ADARB2: variants seen among roughly 807,000 people sequenced by gnomAD.
ADARB2 encodes adenosine deaminase RNA specific B2 (inactive).
Under a neutral mutation model 62.2 loss-of-function variants are expected in ADARB2, and 25 were observed. The observed-to-expected ratio is 0.40, with a 90% CI of 0.29 to 0.56. ADARB2 has a LOEUF of 0.56. Ranked by LOEUF, ADARB2 falls within the 20% of genes least tolerant of loss-of-function variation. ADARB2 has a pLI of 0.43. For synonymous variants in ADARB2, 572 were observed against 500.8 expected (o/e 1.14, Z -1.90); for missense variants, 1,071 against 1,077.4 (o/e 0.99, Z 0.08).
intron 4 of ADARB2, among the ~76,000 whole-genome samples, chr10:1,254,213 G>A (rs749543218): frequency 1.3e-5 from 2 of 151,076 alleles, no homozygotes; most frequent in Non-Finnish European, 2.9e-5. Context: ...TCTGTGGTTA[G>A]GATGTGGAGG....
intron 1 of ADARB2, among the ~76,000 whole-genome samples, chr10:1,410,509 G>A (rs997209230): frequency 6.6e-6 from 1 of 152,198 alleles, no homozygotes; most frequent in African/African-American, 2.4e-5. Context: ...CTCCAGGCGG[G>A]CAGACAACAG....
rs201528037 is a variant in ADARB2 at position 1,405,279 on chromosome 10, ACTG to A, written c.101-26122_101-26120del. On this transcript the variant is annotated intron_variant, in intron 1 of 9. Transcript: ENST00000381312. ...TTGATTTAGACATGTTCCCTCAACC[ACTG>A]CTCGTGGGGTCTTCTGAGCTACCTA... Among the ~76,000 whole-genome samples the A allele has an allele frequency of 7.3e-3, 1,109 of 152,266 alleles. 7 individuals are homozygous for A. Among genetic ancestry groups the A allele is most frequent in the African/African-American group, 0.024 (1,009 of 41,556 alleles).
intron 1 of ADARB2, among the ~76,000 whole-genome samples, chr10:1,446,554 G>A (rs1830972395): frequency 2.6e-5 from 4 of 152,226 alleles, no homozygotes. Flanking sequence ...GCGAAGGCAT[G>A]CAGGGAGGCG....
chr10:1,563,686 C>T (rs548884886), intron 1 of ADARB2, among the ~76,000 whole-genome samples: 88 of 151,310 alleles, frequency 5.8e-4, no homozygotes, highest in Middle Eastern at 6.8e-3. Flanking sequence ...ATGTGCAGGT[C>T]AGTTACATAT....
At chr10:1,674,985 G>A (rs1460409126) in intron 1 of ADARB2, 13 of 981,644 alleles carry the variant, frequency 1.3e-5, no homozygotes, top group East Asian at 1.2e-4. Flanking sequence ...TGGGTTTGGG[G>A]GGTACATGGA....
chr10:1,588,187 G>C (rs4880881), intron 1 of ADARB2, among the ~76,000 whole-genome samples: 13,033 of 152,026 alleles, frequency 0.086, 1,012 homozygotes, highest in East Asian at 0.34. Flanking sequence ...AAGCTCACAG[G>C]TCACACCCTC....
At chr10:1,489,256 C>T (rs1415980629) in intron 1 of ADARB2, among the ~76,000 whole-genome samples, 2 of 149,850 alleles carry the variant, frequency 1.3e-5, no homozygotes, top group African/African-American at 2.5e-5. Flanking sequence ...CCGTGCCTCT[C>T]TGGGAGCTTC....
intron 1 of ADARB2, among the ~76,000 whole-genome samples, chr10:1,555,606 A>T (rs941021682): frequency 6.6e-6 from 1 of 152,124 alleles, no homozygotes; most frequent in South Asian, 2.1e-4. Flanking sequence ...TGTGTCAGGT[A>T]TGCGAGACTA....
intron 1 of ADARB2, among the ~76,000 whole-genome samples, chr10:1,384,508 C>G (rs968722049): frequency 1.3e-5 from 2 of 152,186 alleles, no homozygotes; most frequent in Non-Finnish European, 2.9e-5. Context: ...GGAGTTGCAG[C>G]TCACCAGCTG....
chr10:1,191,360 A>C (rs986338799), intron 8 of ADARB2, among the ~76,000 whole-genome samples: 3 of 152,134 alleles, frequency 2.0e-5, no homozygotes, highest in Non-Finnish European at 2.9e-5. Context: ...CTGCTGAGTG[A>C]GGGTGGCCTC....
chr10:1,705,220 A>T (rs1199177554), intron 1 of ADARB2, among the ~76,000 whole-genome samples: 2 of 152,220 alleles, frequency 1.3e-5, no homozygotes, highest in Non-Finnish European at 2.9e-5. Flanking sequence ...TTGAGGACAC[A>T]GGTGGATGGG....
chr10:1,481,718 A>G (rs564825335), intron 1 of ADARB2, among the ~76,000 whole-genome samples: 290 of 152,114 alleles, frequency 1.9e-3, no homozygotes, highest in Non-Finnish European at 3.3e-3. Flanking sequence ...TTAGCTGGGT[A>G]TGGGGGCGGG....
intron 2 of ADARB2, among the ~76,000 whole-genome samples, chr10:1,364,586 G>A (rs115845252): frequency 0.014 from 2,065 of 152,222 alleles, 48 homozygotes; most frequent in African/African-American, 0.047. Flanking sequence ...GAAAGTATTC[G>A]GGAAAAAATG....
At chr10:1,329,719 C>T (rs953693412) in intron 3 of ADARB2, among the ~76,000 whole-genome samples, 2 of 152,152 alleles carry the variant, frequency 1.3e-5, no homozygotes, top group African/African-American at 4.8e-5. Flanking sequence ...AACAACATCC[C>T]TGCCAGGCAC....
chr10:1,242,259 C>G lies in ADARB2; in HGVS notation c.1233G>C (p.Ser411=). The G allele has an allele frequency of 6.3e-7, 1 of 1,584,010 alleles. No homozygotes were observed. Among genetic ancestry groups the G allele is most frequent in the Non-Finnish European group, 8.6e-7 (1 of 1,166,820 alleles). Residue 411 remains serine (S), a synonymous_variant, in exon 5 of 10, where the codon TCG becomes TCC. Coordinates refer to ENST00000381312, the MANE Select transcript of ADARB2 (RefSeq NM_018702.4). ...GCTCGCCGCTGATGCACTTGGTCCCCGAGGACAGGGCCACGACCTGCGCCT... is the reference window on the plus strand; with the variant it reads ...GCTCGCCGCTGATGCACTTGGTCCCGGAGGACAGGGCCACGACCTGCGCCT... ...ARQAQVVALS[S]GTKCISGEHL...
At chr10:1,311,236 T>G (rs1484490531) in intron 3 of ADARB2, among the ~76,000 whole-genome samples, 3 of 152,262 alleles carry the variant, frequency 2.0e-5, no homozygotes, top group Non-Finnish European at 4.4e-5. Context: ...TCCTGTCCCC[T>G]GCCACACATG....
At chr10:1,594,931 G>A (rs2132010668) in intron 1 of ADARB2, among the ~76,000 whole-genome samples, 1 of 152,248 alleles carries the variant, frequency 6.6e-6, no homozygotes, top group African/African-American at 2.4e-5. Context: ...CACAGCCGCT[G>A]AGCGCCCACT....
chr10:1,505,268 T>G (rs1831828116), intron 1 of ADARB2, among the ~76,000 whole-genome samples: 1 of 152,178 alleles, frequency 6.6e-6, no homozygotes, highest in Non-Finnish European at 1.5e-5. Flanking sequence ...GTGCCTCGCA[T>G]TGCCCCATTT....
intron 1 of ADARB2, among the ~76,000 whole-genome samples, chr10:1,582,491 A>G (rs952044383): frequency 2.6e-5 from 4 of 152,262 alleles, no homozygotes; most frequent in Admixed American, 2.6e-4. Flanking sequence ...CGAAGAATAA[A>G]TCCATGCATT....
Sources: gnomAD v4.1 joint callset for allele counts (sites outside exome capture counted in the v4.1 genomes callset) on GRCh38, gnomAD v4.1.1 for gene constraint, MANE v1.5 for transcripts, NCBI Gene and HGNC (gene_info 2026-07-23, HGNC 2026-07-21) for gene names.